The following TNFAIP2 variants were observed in gnomAD, a reference collection of about 807,000 sequenced individuals.
The protein encoded by TNFAIP2 is tumor necrosis factor alpha-induced protein 2.
Under a neutral mutation model 63.5 loss-of-function variants are expected in TNFAIP2, and 47 were observed. The observed-to-expected ratio is 0.74, with a 90% CI of 0.59 to 0.94. The LOEUF (loss-of-function observed/expected upper bound fraction) is 0.94. Ranked by LOEUF, TNFAIP2 falls within the 40% of genes least tolerant of loss-of-function variation. The pLI, the probability that TNFAIP2 is intolerant of heterozygous loss-of-function variation, is 0.00. For missense variants in TNFAIP2, 787 were observed against 850.2 expected, an observed-to-expected ratio of 0.93 and a Z score of 0.92; for synonymous variants, 405 against 390.2, an observed-to-expected ratio of 1.04 and a Z score of -0.45.
Position 103,133,371 on chromosome 14 carries a change from G to A in TNFAIP2, c.1555G>A (p.Glu519Lys). Reference sequence around the variant, plus strand: ...CTGCTTGCCCTCCCAGGAGCTCATGGAGGCCTTGCACCTGCACCTGGTGAA... The same window carrying A: ...CTGCTTGCCCTCCCAGGAGCTCATGAAGGCCTTGCACCTGCACCTGGTGAA... ...LQGCFREELM[E>K]ALHLHLVKEY... The change falls in exon 10 of 12, where the codon GAG (glutamate) becomes AAG (lysine). Residue 519 changes from glutamate (E) to lysine (K), a missense_variant. Glu to Lys is a moderately conservative substitution (Grantham distance 56). Transcript: ENST00000560869. 2 of 1,613,488 alleles carry A rather than the reference G, an allele frequency of 1.2e-6. No homozygotes were observed. Among genetic ancestry groups the A allele is most frequent in the Non-Finnish European group, 1.7e-6 (2 of 1,179,916 alleles).
chr14:103,133,659 T>G (rs759687243), intron 10 of TNFAIP2, 23 bp from the exon 11 acceptor site: 1 of 1,551,362 alleles, frequency 6.4e-7, no homozygotes, highest in Non-Finnish European at 8.7e-7. Flanking sequence ...CCTGGGTCCC[T>G]CCAACCACAC....
At position 103,135,286 on chromosome 14, in the gene TNFAIP2, C is replaced by A; in HGVS notation, c.1891C>A (p.Arg631=). The A allele has an allele frequency of 6.2e-7, 1 of 1,613,986 alleles. No individual in the cohort carries two copies. Among genetic ancestry groups the A allele is most frequent in the Non-Finnish European group, 8.5e-7 (1 of 1,179,984 alleles). ...NLSNSEVKRI[R]SILDVSMGAQ... is the part of the protein sequence containing the mutation. ...ATCCAACAGTGAGGTCAAGCGCATC[C>A]GGAGCATCTTGGACGTCAGCATGGG... The change falls in exon 12 of 12, where the codon CGG becomes AGG. Residue 631 remains arginine, a synonymous_variant. Transcript: ENST00000560869. The surrounding 1 kb of genome is among the most constrained non-coding windows in gnomAD (Gnocchi z 7.6).
chr14:103,127,036 G>A lies in TNFAIP2; in HGVS notation c.267G>A (p.Gly89=), dbSNP rs1431449862. Residue 89 remains glycine, a synonymous_variant, in exon 3 of 12, where the codon GGG becomes GGA. Coordinates refer to ENST00000560869, the MANE Select transcript of TNFAIP2 (RefSeq NM_006291.4). This position sits in a 1 kb window ranked among gnomAD's most constrained non-coding sequence, Gnocchi z 5.1. ...VEELKAALER[G]QLEAARPLLA... ...AGCTGAAGGCGGCGCTGGAGCGCGG[G>A]CAGCTGGAGGCGGCGCGGCCGCTGC... 1.7e-6 allele frequency: 2 copies of A among 1,163,314 alleles called. No individual in the cohort carries two copies. Among genetic ancestry groups the A allele is most frequent in the Non-Finnish European group, 2.1e-6 (2 of 942,638 alleles). The allele number at this position is 1,163,314 out of a possible 1,614,324, so 72.1% of individuals were successfully genotyped here.
intron 1 of TNFAIP2, chr14:103,124,322 G>C (rs552856566): frequency 1.3e-5 from 2 of 152,430 alleles, no homozygotes; most frequent in South Asian, 4.1e-4. Context: ...CCACACACTA[G>C]TGAGAAGTGT....
At chr14:103,123,317 G>A (rs2087784353), upstream of TNFAIP2, 1 of 152,876 alleles carries the variant, frequency 6.5e-6, no homozygotes, top group African/African-American at 2.4e-5. Flanking sequence ...CAGCCCCTGG[G>A]ACGCAGGGAC....
rs1227617428 is a variant in TNFAIP2, at chr14:103,133,479, G to A, written c.1663G>A (p.Ala555Thr). 2.5e-6 allele frequency: 4 copies of A among 1,613,812 alleles called. No individual in the cohort carries two copies. In the African/African-American group the frequency reaches 5.3e-5, roughly 22 times the overall value. ...QQQQLAGYIL[A>T]NADTIQHFCT... ...GCAGCAGCTGGCTGGGTACATCCTG[G>A]CCAATGCTGACACCATCCAGCACTT... The change falls in exon 10 of 12, where the codon GCC (alanine) becomes ACC (threonine). Residue 555 changes from alanine to threonine, a missense_variant. Transcript: ENST00000560869.
Position 103,127,309 on chromosome 14 carries a change from C to G in TNFAIP2, c.540C>G (p.Ala180=). ...GGCCGGGGACCTCGGGGCTGGCGGC[C>G]ACGCGCCCGCGGCGCTGGCTGCAGC... ...AAGPGTSGLA[A]TRPRRWLQLW... is the part of the protein sequence containing the mutation. Residue 180 remains alanine (A), a synonymous_variant, in exon 3 of 12, where the codon GCC becomes GCG. Coordinates refer to ENST00000560869, the MANE Select transcript of TNFAIP2 (RefSeq NM_006291.4). The surrounding 1 kb of genome is among the most constrained non-coding windows in gnomAD (Gnocchi z 5.1). 1.0e-6 allele frequency: 1 copy of G among 990,634 alleles called. No individual in the cohort carries two copies. Among genetic ancestry groups the G allele is most frequent in the Non-Finnish European group, 1.2e-6 (1 of 835,118 alleles). 61.4% of individuals were successfully genotyped at this position (990,634 alleles called of 1,614,324 possible).
chr14:103,135,273 G>A lies in TNFAIP2; in HGVS notation c.1878G>A (p.Glu626=). ...TCAAGGGGAACCTATCCAACAGTGA[G>A]GTCAAGCGCATCCGGAGCATCTTGG... is the stretch of plus-strand genomic sequence containing the variant. ...LAIKGNLSNS[E]VKRIRSILDV... The change falls in exon 12 of 12, where the codon GAG becomes GAA. Residue 626 remains glutamate, a synonymous_variant. Coordinates refer to ENST00000560869, the MANE Select transcript of TNFAIP2 (RefSeq NM_006291.4). This position sits in a 1 kb window ranked among gnomAD's most constrained non-coding sequence, Gnocchi z 7.6. The A allele has an allele frequency of 6.2e-7, 1 of 1,614,042 alleles. No individual in the cohort carries two copies. The highest frequency in any genetic ancestry group is 1.1e-5 in the South Asian group (1 of 91,086).
rs539247291 is a variant in TNFAIP2, at chr14:103,135,416, G to A, written c.*56G>A. ...GCCCAGCAAGCCTTGGGCACACCCC[G>A]CTGGGAGCTGTTAAGAGCAGCGCTG... On this transcript the variant is annotated 3_prime_UTR_variant, in exon 12 of 12. Transcript: ENST00000560869. The surrounding 1 kb of genome is among the most constrained non-coding windows in gnomAD (Gnocchi z 7.6). The A allele has an allele frequency of 4.5e-6, 7 of 1,549,892 alleles. No individual in the cohort carries two copies. Among genetic ancestry groups the A allele is most frequent in the Admixed American group, 1.9e-5 (1 of 52,604 alleles).
chr14:103,126,528 A>C lies in TNFAIP2; in HGVS notation c.71A>C (p.Glu24Ala). 1 of 1,583,500 alleles carries C rather than the reference A, an allele frequency of 6.3e-7. No homozygotes were observed. The highest frequency in any genetic ancestry group is 2.3e-5 in the East Asian group (1 of 43,370). Residue 24 changes from glutamate (E) to alanine (A), a missense_variant, in exon 2 of 12, where the codon GAA becomes GCA. Coordinates refer to ENST00000560869, the MANE Select transcript of TNFAIP2 (RefSeq NM_006291.4). Reference protein sequence around the residue: ...EAGAAPYREEEEAAKKKKEKK... With the variant: ...EAGAAPYREEAEAAKKKKEKK... ...GGGGCAGCCCCATATAGGGAGGAGG[A>C]AGAGGCGGCGAAGAAGAAGAAGGAG...
chr14:103,121,816 G>T (rs1891114487), upstream of TNFAIP2, among the ~76,000 whole-genome samples: 1 of 138,938 alleles, frequency 7.2e-6, no homozygotes, highest in Non-Finnish European at 1.5e-5. Context: ...CCTAAGGCCT[G>T]ACAACGCCCT....
At chr14:103,133,016 G>T in intron 9 of TNFAIP2, 144 bp downstream of exon 9, 1 of 1,360,286 alleles carries the variant, frequency 7.4e-7, no homozygotes, top group Non-Finnish European at 1.0e-6. Context: ...ATGTGAACAC[G>T]TGCACATGTG....
At chr14:103,129,658 A>G in intron 3 of TNFAIP2, 82 bp from the exon 4 acceptor site, 1 of 1,343,666 alleles carries the variant, frequency 7.4e-7, no homozygotes, top group Non-Finnish European at 1.1e-6. Context: ...GCCAGAGACC[A>G]AGGCTGAGGG....
upstream of TNFAIP2, chr14:103,122,741 C>T: frequency 4.4e-6 from 2 of 455,990 alleles, no homozygotes; most frequent in Non-Finnish European, 8.8e-6. Flanking sequence ...CCTGCTCCGG[C>T]AGCCTGTGGG....
chr14:103,127,750 T>G lies in TNFAIP2; in HGVS notation c.860+121T>G. On this transcript the variant is annotated intron_variant, in intron 3 of 11. Coordinates refer to ENST00000560869, the MANE Select transcript of TNFAIP2 (RefSeq NM_006291.4). This position sits in a 1 kb window ranked among gnomAD's most constrained non-coding sequence, Gnocchi z 5.1. ...AGTGAGGTCGGTGTTTGCAGAGTTTTGGGTCCGAGAATGCAGGGGTGGGAC... is the reference window on the plus strand; with the variant it reads ...AGTGAGGTCGGTGTTTGCAGAGTTTGGGGTCCGAGAATGCAGGGGTGGGAC... 1 of 1,212,790 alleles carries G rather than the reference T, an allele frequency of 8.2e-7. No individual in the cohort carries two copies. The highest frequency in any genetic ancestry group is 1.1e-6 in the Non-Finnish European group (1 of 918,270). 75.1% of individuals were successfully genotyped at this position (1,212,790 alleles called of 1,614,324 possible).
chr14:103,136,127 C>A lies in TNFAIP2; in HGVS notation c.*767C>A. 1 of 952,528 alleles carries A rather than the reference C, an allele frequency of 1.0e-6. No homozygotes were observed. The highest frequency in any genetic ancestry group is 1.4e-6 in the Non-Finnish European group (1 of 725,054). 59.0% of individuals were successfully genotyped at this position (952,528 alleles called of 1,614,324 possible). ...GGCTCCCCCTTCCCCAAGGCAGGGACAGGCCCTGGGGGTGCCACCGTGGGC... is the reference window on the plus strand; with the variant it reads ...GGCTCCCCCTTCCCCAAGGCAGGGAAAGGCCCTGGGGGTGCCACCGTGGGC... On this transcript the variant is annotated 3_prime_UTR_variant, in exon 12 of 12. Coordinates refer to ENST00000560869, the MANE Select transcript of TNFAIP2 (RefSeq NM_006291.4).
Position 103,130,496 on chromosome 14 carries a change from C to T in TNFAIP2, c.1199+81C>T. On this transcript the variant is annotated intron_variant, in intron 6 of 11. Coordinates refer to ENST00000560869, the MANE Select transcript of TNFAIP2 (RefSeq NM_006291.4). ...CCTCCCTAGTGCCTCAGGTGGGGAG[C>T]TGAGCTGGATCCCCGCCCTCTACCC... 3 of 1,332,796 alleles carry T rather than the reference C, an allele frequency of 2.3e-6. No individual in the cohort carries two copies. In the Admixed American group the frequency reaches 6.0e-5, roughly 27 times the overall value. The allele number at this position is 1,332,796 out of a possible 1,614,324, so 82.6% of individuals were successfully genotyped here.
rs1200336638 is a variant in TNFAIP2, at chr14:103,127,289, G to A, written c.520G>A (p.Gly174Arg). 5 of 989,090 alleles carry A rather than the reference G, an allele frequency of 5.1e-6. No individual in the cohort carries two copies. Among genetic ancestry groups the A allele is most frequent in the Non-Finnish European group, 6.0e-6 (5 of 833,998 alleles). 61.3% of individuals were successfully genotyped at this position (989,090 alleles called of 1,614,324 possible). ...EDRQAAAAGP[G>R]TSGLAATRPR... ...CCGCCAGGCGGCGGCGGCGGGGCCG[G>A]GGACCTCGGGGCTGGCGGCCACGCG... The change falls in exon 3 of 12, where the codon GGG (glycine) becomes AGG (arginine). Residue 174 changes from glycine (G) to arginine (R), a missense_variant. By Grantham distance (125) the Gly-to-Arg change is moderately radical (BLOSUM62 -2). Coordinates refer to ENST00000560869, the MANE Select transcript of TNFAIP2 (RefSeq NM_006291.4). This position sits in a 1 kb window ranked among gnomAD's most constrained non-coding sequence, Gnocchi z 5.1.
chr14:103,125,630 C>T (rs1264521338), intron 1 of TNFAIP2, among the ~76,000 whole-genome samples: 1 of 152,184 alleles, frequency 6.6e-6, no homozygotes, highest in Non-Finnish European at 1.5e-5. Context: ...TTCAGGCCGC[C>T]CTGTGACTTG....
Sources: allele counts gnomAD v4.1 joint callset (sites outside exome capture counted in the v4.1 genomes callset), GRCh38; gene constraint gnomAD v4.1.1; non-coding constraint Gnocchi (gnomAD v3.1); transcripts MANE v1.5; gene names NCBI Gene and HGNC (gene_info 2026-07-23, HGNC 2026-07-21).